Variants in UBA1 observed in about 807,000 individuals in gnomAD.
UBA1 encodes the protein ubiquitin like modifier activating enzyme 1.
UBA1 carries 4 observed loss-of-function variants against 84.7 expected under a neutral mutation model. The ratio of observed to expected loss-of-function variants is 0.05; its 90% CI spans 0.02 to 0.11. The LOEUF is 0.11. Among genes scored for constraint, UBA1 ranks in the 10% least tolerant of loss-of-function variants. The pLI, the probability that UBA1 is intolerant of heterozygous loss-of-function variation, is 1.00. For missense variants in UBA1, 513 were observed against 902.8 expected, an observed-to-expected ratio of 0.57 and a Z score of 5.53; for synonymous variants, 364 against 362.6, an observed-to-expected ratio of 1.00 and a Z score of -0.04.
chrX:47,195,099 C>A (rs1300389441), intron 1 of UBA1, among the ~76,000 whole-genome samples: 12 of 111,550 alleles, frequency 1.1e-4, no homozygotes, highest in African/African-American at 3.9e-4. Context: ...ATCCCTTATC[C>A]TCACATCAGG....
At position 47,203,695 on chromosome X, in the gene UBA1, C is replaced by T. The variant is rs1556789432; in HGVS notation, c.1574C>T (p.Thr525Met). 7.5e-6 allele frequency: 9 copies of T among 1,207,895 alleles called. No individual in the cohort carries two copies. Among genetic ancestry groups the T allele is most frequent in the South Asian group, 5.3e-5 (3 of 56,792 alleles). Residue 525 changes from threonine to methionine, a missense_variant and splice_region_variant, in exon 14 of 26, where the codon ACG becomes ATG. Thr to Met is a moderately conservative substitution (Grantham distance 81). This residue lies in a region of UBA1 where 55 missense variants were observed against 104.8 expected (regional missense o/e 0.52). Coordinates refer to ENST00000335972, the MANE Select transcript of UBA1 (RefSeq NM_003334.4). ...RQFLFRPWDV[T>M]KLKSDTAAAA... ...TTTCTTTTCCGGCCCTGGGATGTCA[C>T]GGTGAGTAGGGTAGGAGGTTGGGGC...
Position 47,198,691 on chromosome X carries a change from T to A in UBA1, c.1-112T>A, listed in dbSNP as rs1936292026. 1.6e-5 allele frequency: 12 copies of A among 736,236 alleles called. No individual in the cohort carries two copies. The South Asian group carries it at 2.7e-4, about 16-fold the overall frequency. The allele number at this position is 736,236 out of a possible 1,213,427, so 60.7% of individuals were successfully genotyped here. On this transcript the variant is annotated intron_variant, in intron 1 of 25. Transcript: ENST00000335972. The stretch of plus-strand genomic sequence containing the variant: ...TTCTGTGCCTGTCCCCTCTTTGCTG[T>A]AAAATGGGGGTACTAATACTTAAGT...
At chrX:47,214,738 C>T (rs1937075215) in intron 25 of UBA1, 56 bp from the exon 26 acceptor site, 8 of 1,203,525 alleles carry the variant, frequency 6.6e-6, no homozygotes, top group African/African-American at 1.8e-5. Flanking sequence ...CCTACCTGCC[C>T]ATCCTCTCTT....
intron 16 of UBA1, chrX:47,206,674 G>A: frequency 2.4e-6 from 1 of 425,270 alleles, no homozygotes; most frequent in South Asian, 3.6e-5. Context: ...CAAATATTAA[G>A]AATATTATGA....
intron 5 of UBA1, among the ~76,000 whole-genome samples, chrX:47,200,598 A>G (rs1325759020): frequency 6.2e-5 from 7 of 112,184 alleles, no homozygotes; most frequent in African/African-American, 2.3e-4. Context: ...GTTTTACTCC[A>G]GTGTCTCACA....
chrX:47,193,334 C>T (rs1239605502), upstream of UBA1, among the ~76,000 whole-genome samples: 1 of 111,436 alleles, frequency 9.0e-6, no homozygotes, highest in African/African-American at 3.3e-5. Context: ...GTATTAGATG[C>T]AGCAATAGGC....
chrX:47,212,400 G>C (rs368243685), intron 20 of UBA1, 24 bp from the exon 21 acceptor site: 2 of 1,143,857 alleles, frequency 1.7e-6, no homozygotes, highest in Admixed American at 2.2e-5. Context: ...CTAAAGGGCT[G>C]ACAGTGTCCC....
At chrX:47,194,612 G>A (rs1936133821) in intron 1 of UBA1, among the ~76,000 whole-genome samples, 1 of 111,675 alleles carries the variant, frequency 9.0e-6, no homozygotes, top group South Asian at 3.8e-4. Flanking sequence ...CCCTGTGAAA[G>A]GCCATTTGGG....
At chrX:47,190,869 A>G (rs1246160359), upstream of UBA1, 1 of 112,634 alleles carries the variant, frequency 8.9e-6, no homozygotes. Context: ...CTCTTGTACG[A>G]CAGAGGTGGT....
At chrX:47,197,161 C>G in intron 1 of UBA1, 1 of 755,086 alleles carries the variant, frequency 1.3e-6, no homozygotes, top group Non-Finnish European at 1.6e-6. Flanking sequence ...AGCCAGCCTG[C>G]TGCCTCCCCT....
rs992816181 is a variant in UBA1, at chrX:47,202,750, C to T, written c.1169C>T (p.Ala390Val). The stretch of plus-strand genomic sequence containing the variant: ...CTCATCCGGAAGCTGGCATATGTGG[C>T]TGCTGGGGATCTGGCACCCATAAAC... ...EDLIRKLAYV[A>V]AGDLAPINAF... Residue 390 changes from alanine to valine, a missense_variant, in exon 11 of 26, where the codon GCT becomes GTT. Around this residue, in one of 6 missense-constraint regions of UBA1, gnomAD observed 227 missense variants for 339.1 expected, o/e 0.67. Transcript: ENST00000335972. 8.3e-7 allele frequency: 1 copy of T among 1,210,418 alleles called. No individual in the cohort carries two copies. Among genetic ancestry groups the T allele is most frequent in the Non-Finnish European group, 1.1e-6 (1 of 894,708 alleles).
intron 16 of UBA1, among the ~76,000 whole-genome samples, chrX:47,207,151 T>C (rs1435290724): frequency 1.8e-5 from 2 of 112,171 alleles, no homozygotes; most frequent in African/African-American, 6.5e-5. Context: ...CTTCTAGTTA[T>C]TTATTTGTCT....
rs1556787937 is a variant in UBA1 at position 47,201,382 on chromosome X, C to CTAGG, written c.678+17_678+20dup. The CTAGG allele has an allele frequency of 2.5e-6, 3 of 1,208,885 alleles. No individual in the cohort carries two copies. The South Asian group carries it at 5.3e-5, about 21-fold the overall frequency. On this transcript the variant is annotated intron_variant, in intron 7 of 25. Coordinates refer to ENST00000335972, the MANE Select transcript of UBA1 (RefSeq NM_003334.4). The stretch of plus-strand genomic sequence containing the variant: ...GGTTACCAAGGTAAGGAGACCAGCC[C>CTAGG]TAGGGTTCCTGGCAGGCAGGTGGGC...
chrX:47,209,352 C>T lies in UBA1; in HGVS notation c.1939-271C>T. On this transcript the variant is annotated intron_variant, in intron 16 of 25. Transcript: ENST00000335972. ...TATTTTTAGTAGAGATGGGGTTTCA[C>T]CATGTTGGTCAGGCTGGTCTCGAAC... 6.6e-6 allele frequency: 3 copies of T among 452,493 alleles called. No individual in the cohort carries two copies. The East Asian group carries it at 1.1e-4, about 17-fold the overall frequency. The allele number at this position is 452,493 out of a possible 1,213,427, so 37.3% of individuals were successfully genotyped here.
chrX:47,214,592 CCTT>C lies in UBA1; in HGVS notation c.3001_3003del (p.Phe1001del). 8.3e-7 allele frequency: 1 copy of C among 1,211,296 alleles called. No homozygotes were observed. Among genetic ancestry groups the C allele is most frequent in the Non-Finnish European group, 1.1e-6 (1 of 895,304 alleles). The stretch of plus-strand genomic sequence containing the variant: ...TCCCAGGGCGTGTCCATGCTCTATT[CCTT>C]CTTCATGCCAGCTGCCAAGCTCAAG... On this transcript the variant is annotated inframe_deletion, in exon 25 of 26. Coordinates refer to ENST00000335972, the MANE Select transcript of UBA1 (RefSeq NM_003334.4).
In UBA1 at chrX:47,203,117, C is replaced by T. The variant is rs1181902274; in HGVS notation, c.1339-17C>T. 2.5e-6 allele frequency: 3 copies of T among 1,211,252 alleles called. No individual in the cohort carries two copies. The highest frequency in any genetic ancestry group is 3.4e-6 in the Non-Finnish European group (3 of 895,020). Reference sequence around the variant, plus strand: ...CTGGGGAGGCCTCTCTAACCCTCCTCCCTTTGCATTCCTTAGCGCCAGAAC... The same window carrying T: ...CTGGGGAGGCCTCTCTAACCCTCCTTCCTTTGCATTCCTTAGCGCCAGAAC... On this transcript the variant is annotated splice_polypyrimidine_tract_variant and intron_variant, in intron 12 of 25. Coordinates refer to ENST00000335972, the MANE Select transcript of UBA1 (RefSeq NM_003334.4).
At chrX:47,209,410 T>TC in intron 16 of UBA1, 1 of 518,186 alleles carries the variant, frequency 1.9e-6, no homozygotes, top group South Asian at 2.5e-5. Context: ...TGCCTTAGCC[T>TC]CCCAAAGTGC....
rs781996319 is a variant in UBA1, at chrX:47,201,603, A to T, written c.804A>T (p.Lys268Asn). ...ELNGNQPMEI[K>N]VLGPYTFSIC... ...ACGGAAATCAGCCCATGGAGATCAA[A>T]GTCCTGGGTGAGCTGCGACCATGGG... Residue 268 changes from lysine to asparagine, a missense_variant, in exon 8 of 26, where the codon AAA becomes AAT. Lys to Asn is a moderately conservative substitution (Grantham distance 94). This residue lies in a region of UBA1 where 227 missense variants were observed against 339.1 expected (regional missense o/e 0.67). Transcript: ENST00000335972. 3 of 1,210,098 alleles carry T rather than the reference A, an allele frequency of 2.5e-6. No homozygotes were observed. In the Admixed American group the frequency reaches 6.6e-5, roughly 26 times the overall value.
Position 47,202,166 on chromosome X carries a change from C to T in UBA1, c.822C>T (p.Thr274=). The T allele has an allele frequency of 2.5e-6, 3 of 1,209,107 alleles. No individual in the cohort carries two copies. Among genetic ancestry groups the T allele is most frequent in the Non-Finnish European group, 3.4e-6 (3 of 893,771 alleles). The part of the protein sequence containing the change: ...PMEIKVLGPY[T]FSICDTSNFS... ...TCCTGCCCTCTGTAGGTCCTTATAC[C>T]TTTAGCATCTGTGACACCTCCAACT... The change falls in exon 9 of 26, where the codon ACC becomes ACT. Residue 274 remains threonine (T), a synonymous_variant. Coordinates refer to ENST00000335972, the MANE Select transcript of UBA1 (RefSeq NM_003334.4).
Sources: allele counts gnomAD v4.1 joint callset (sites outside exome capture counted in the v4.1 genomes callset), GRCh38; gene constraint gnomAD v4.1.1; regional missense constraint gnomAD v4.1.1; transcripts MANE v1.5; gene names NCBI Gene and HGNC (gene_info 2026-07-23, HGNC 2026-07-21).